Variants in CUX1 observed in about 807,000 individuals in gnomAD.
CUX1 encodes the protein protein CASP.
In CUX1, 31 loss-of-function variants were observed where a neutral mutation model predicts 158.8. That is an observed-to-expected ratio of 0.20 (90% CI 0.15 to 0.26). The LOEUF (loss-of-function observed/expected upper bound fraction) is 0.26, where lower values mean the gene tolerates loss of function less well. Ranked by LOEUF, CUX1 falls within the 10% of genes least tolerant of loss-of-function variation. The pLI is 1.00. For missense variants in CUX1, 1,589 were observed against 2,014.6 expected (o/e 0.79, Z 4.04); for synonymous variants, 879 against 862.1 (o/e 1.02, Z -0.34).
intron 8 of CUX1, among the ~76,000 whole-genome samples, chr7:102,150,456 G>A (rs1419249930): frequency 2.0e-5 from 3 of 152,058 alleles, no homozygotes; most frequent in Admixed American, 1.3e-4. Flanking sequence ...GGGCCCGGCC[G>A]AGACTATTGG....
intron 20 of CUX1, among the ~76,000 whole-genome samples, chr7:102,209,087 A>C (rs1796257275): frequency 6.6e-6 from 1 of 152,170 alleles, no homozygotes; most frequent in South Asian, 2.1e-4. Flanking sequence ...CCTGCGCTAG[A>C]GTGGCCTCGC....
At chr7:101,899,737 C>T (rs1801937660) in intron 1 of CUX1, among the ~76,000 whole-genome samples, 1 of 152,130 alleles carries the variant, frequency 6.6e-6, no homozygotes, top group South Asian at 2.1e-4. Context: ...AGAACTTGAA[C>T]TTGGAGGAGT....
chr7:101,947,528 G>A (rs1239968090), intron 2 of CUX1, among the ~76,000 whole-genome samples: 1 of 152,220 alleles, frequency 6.6e-6, no homozygotes, highest in Non-Finnish European at 1.5e-5. Flanking sequence ...GCCCCAGCAC[G>A]GGGCATGCCA....
At chr7:102,054,247 A>C (rs1473823578) in intron 3 of CUX1, among the ~76,000 whole-genome samples, 2 of 152,238 alleles carry the variant, frequency 1.3e-5, no homozygotes, top group Non-Finnish European at 2.9e-5. Context: ...AAGGTCATAA[A>C]GGTTTACACC....
intron 2 of CUX1, among the ~76,000 whole-genome samples, chr7:101,940,708 C>T (rs940856226): frequency 6.6e-6 from 1 of 152,102 alleles, no homozygotes; most frequent in Non-Finnish European, 1.5e-5. Context: ...CACTTCCACC[C>T]TCCCAGATCC....
chr7:102,115,852 A>G (rs560493234), intron 8 of CUX1, among the ~76,000 whole-genome samples: 3 of 152,306 alleles, frequency 2.0e-5, no homozygotes, highest in Non-Finnish European at 4.4e-5. Flanking sequence ...CCAGCAAGGA[A>G]GAAATAATAA....
At chr7:102,132,307 GTGCGCGCGCGCGCGCGC>G in intron 8 of CUX1, among the ~76,000 whole-genome samples, 1 of 1,094 alleles carries the variant, frequency 9.1e-4, no homozygotes, top group Admixed American at 0.013. Context: ...GTGTGTGTGT[GTGCGCGCGCGCGCGCGC>G]ACGCCACGCA....
At chr7:102,259,449 A>T (rs1363354171), downstream of CUX1, among the ~76,000 whole-genome samples, 1 of 152,108 alleles carries the variant, frequency 6.6e-6, no homozygotes, top group Admixed American at 6.6e-5. Flanking sequence ...TTAACCAGGC[A>T]TGGTGGCGGG....
At chr7:101,838,950 G>T (rs974534160) in intron 1 of CUX1, among the ~76,000 whole-genome samples, 1 of 152,180 alleles carries the variant, frequency 6.6e-6, no homozygotes, top group Non-Finnish European at 1.5e-5. Flanking sequence ...CCATGATCCG[G>T]GTACGGGCCA....
intron 1 of CUX1, among the ~76,000 whole-genome samples, chr7:101,859,271 G>T (rs145039933): frequency 6.6e-6 from 1 of 152,160 alleles, no homozygotes; most frequent in African/African-American, 2.4e-5. Context: ...TTAACTCAGC[G>T]ATGTCTCAAA....
At chr7:101,929,327 T>C (rs755461335) in intron 2 of CUX1, among the ~76,000 whole-genome samples, 1 of 152,212 alleles carries the variant, frequency 6.6e-6, no homozygotes, top group Admixed American at 6.5e-5. Flanking sequence ...TAATTTTCTC[T>C]CCTTTTGCAT....
intron 2 of CUX1, among the ~76,000 whole-genome samples, chr7:101,976,275 A>G (rs549130629): frequency 2.0e-5 from 3 of 152,302 alleles, no homozygotes; most frequent in Admixed American, 2.0e-4. Flanking sequence ...CTAGTGTTTC[A>G]CTTGGTTTTT....
chr7:101,835,505 G>A (rs988396044), intron 1 of CUX1, among the ~76,000 whole-genome samples: 1 of 151,982 alleles, frequency 6.6e-6, no homozygotes, highest in African/African-American at 2.4e-5. Flanking sequence ...ATTTTCTTAG[G>A]TGCAATTGCC....
intron 21 of CUX1, among the ~76,000 whole-genome samples, chr7:102,230,509 AAAAG>A (rs1554530298): frequency 1.3e-5 from 2 of 151,760 alleles, no homozygotes; most frequent in South Asian, 2.1e-4. Context: ...AAAAAAAAAA[AAAAG>A]AACAGAGTAG....
intron 9 of CUX1, among the ~76,000 whole-genome samples, chr7:102,168,817 C>T (rs572690318): frequency 1.3e-5 from 2 of 151,982 alleles, no homozygotes; most frequent in African/African-American, 4.8e-5. Context: ...CCTTTCTCAG[C>T]CATTGTTAGC....
At chr7:101,944,365 A>T (rs1162356131) in intron 2 of CUX1, among the ~76,000 whole-genome samples, 2 of 152,220 alleles carry the variant, frequency 1.3e-5, no homozygotes, top group Non-Finnish European at 2.9e-5. Flanking sequence ...ATAGGCTAGC[A>T]TTCAACATCA....
chr7:102,009,025 G>A (rs1364139571), intron 2 of CUX1, among the ~76,000 whole-genome samples: 1 of 152,174 alleles, frequency 6.6e-6, no homozygotes, highest in Non-Finnish European at 1.5e-5. Context: ...CAGCAGGTCT[G>A]CATGATTAAC....
chr7:102,172,129 A>G (rs1791789099), intron 10 of CUX1, among the ~76,000 whole-genome samples: 1 of 152,180 alleles, frequency 6.6e-6, no homozygotes, highest in South Asian at 2.1e-4. Context: ...TCTGTCGCCC[A>G]GGCTGGAGTG....
chr7:102,275,181 C>A, intron 16 of CUX1: 1 of 1,263,600 alleles, frequency 7.9e-7, no homozygotes, highest in Non-Finnish European at 1.1e-6. Flanking sequence ...GGGGACCCAC[C>A]CCAAAGGGCC....
Sources: allele counts gnomAD v4.1 joint callset (sites outside exome capture counted in the v4.1 genomes callset), GRCh38; gene constraint gnomAD v4.1.1; transcripts MANE v1.5; gene names NCBI Gene and HGNC (gene_info 2026-07-23, HGNC 2026-07-21).